PHYHIPL: variants seen among roughly 807,000 people sequenced by gnomAD.
PHYHIPL encodes the protein phytanoyl-CoA hydroxylase-interacting protein-like.
In PHYHIPL, 9 loss-of-function variants were observed where a neutral mutation model predicts 33.4. That is an observed-to-expected ratio of 0.27 (90% CI 0.16 to 0.47). The LOEUF (loss-of-function observed/expected upper bound fraction) is 0.47, where lower values mean the gene tolerates loss of function less well. Ranked by LOEUF, PHYHIPL falls within the 20% of genes least tolerant of loss-of-function variation. PHYHIPL has a pLI of 0.99. For missense variants in PHYHIPL, 365 were observed against 460.7 expected, an observed-to-expected ratio of 0.79 and a Z score of 1.90; for synonymous variants, 153 against 154.1, an observed-to-expected ratio of 0.99 and a Z score of 0.05.
chr10:59,230,212 CTTT>C (rs71006238), intron 1 of PHYHIPL, among the ~76,000 whole-genome samples: 4 of 123,368 alleles, frequency 3.2e-5, no homozygotes, highest in East Asian at 2.3e-4. Flanking sequence ...AAATTGCTTT[CTTT>C]TTTTTTTTTT....
intron 1 of PHYHIPL, among the ~76,000 whole-genome samples, chr10:59,214,223 G>C (rs1299482962): frequency 6.6e-6 from 1 of 152,002 alleles, no homozygotes; most frequent in Non-Finnish European, 1.5e-5. Flanking sequence ...TATATGCTTA[G>C]AATGCAGAAG....
At chr10:59,174,672 C>T (rs921229454), upstream of PHYHIPL, among the ~76,000 whole-genome samples, 10 of 152,226 alleles carry the variant, frequency 6.6e-5, no homozygotes, top group East Asian at 1.9e-4. Context: ...ATATTCTAGC[C>T]GACAAATCTG....
At chr10:59,208,875 GAAA>G (rs917068458) in intron 1 of PHYHIPL, among the ~76,000 whole-genome samples, 2 of 152,030 alleles carry the variant, frequency 1.3e-5, no homozygotes, top group Non-Finnish European at 2.9e-5. Flanking sequence ...CAAGATTAGA[GAAA>G]AAAGAACGAA....
chr10:59,245,023 G>A, intron 4 of PHYHIPL, 34 bp from the exon 5 acceptor site: 7 of 1,568,486 alleles, frequency 4.5e-6, no homozygotes, highest in Non-Finnish European at 6.0e-6. Flanking sequence ...TACCACTATT[G>A]TATTAAGCAG....
chr10:59,188,748 G>C (rs1838694173), intron 1 of PHYHIPL, among the ~76,000 whole-genome samples: 1 of 151,954 alleles, frequency 6.6e-6, no homozygotes, highest in African/African-American at 2.4e-5. Flanking sequence ...TTTGATCTTT[G>C]TTGGTTTAAA....
At chr10:59,203,407 C>T (rs1215068184) in intron 1 of PHYHIPL, among the ~76,000 whole-genome samples, 1 of 152,114 alleles carries the variant, frequency 6.6e-6, no homozygotes. Context: ...CCCAGCCATC[C>T]CATTACTGGG....
chr10:59,201,023 G>A (rs926941189), intron 1 of PHYHIPL, among the ~76,000 whole-genome samples: 2 of 152,046 alleles, frequency 1.3e-5, no homozygotes, highest in Non-Finnish European at 2.9e-5. Context: ...TGGATTCATT[G>A]ATATTTCGAA....
rs1840726668 is a variant in PHYHIPL at position 59,246,573 on chromosome 10, G to A, written c.*982G>A. ...TTACAAAAATGAAAATAATAAACATGTTTTCGTATAAAATAACACAAAATG... is the reference window on the plus strand; with the variant it reads ...TTACAAAAATGAAAATAATAAACATATTTTCGTATAAAATAACACAAAATG... On this transcript the variant is annotated 3_prime_UTR_variant, in exon 5 of 5. Transcript: ENST00000373880. 2.5e-6 allele frequency: 1 copy of A among 396,826 alleles called. No homozygotes were observed. Among genetic ancestry groups the A allele is most frequent in the Non-Finnish European group, 4.5e-6 (1 of 224,554 alleles). The allele number at this position is 396,826 out of a possible 1,614,324, so 24.6% of individuals were successfully genotyped here.
At chr10:59,226,229 A>C (rs1839918250) in intron 1 of PHYHIPL, among the ~76,000 whole-genome samples, 1 of 152,196 alleles carries the variant, frequency 6.6e-6, no homozygotes. Context: ...CACTGGAAGA[A>C]AATCAGAGAG....
intron 1 of PHYHIPL, among the ~76,000 whole-genome samples, chr10:59,212,523 A>G (rs946253660): frequency 6.6e-6 from 1 of 152,314 alleles, no homozygotes. Flanking sequence ...CAGCCATTCA[A>G]ACTGTGTTCA....
At chr10:59,198,682 G>A (rs932640731) in intron 1 of PHYHIPL, among the ~76,000 whole-genome samples, 4 of 152,180 alleles carry the variant, frequency 2.6e-5, no homozygotes, top group African/African-American at 4.8e-5. Flanking sequence ...CAGTGTAAAA[G>A]TGTTCCTATT....
intron 1 of PHYHIPL, among the ~76,000 whole-genome samples, chr10:59,212,322 T>A (rs1186534018): frequency 3.3e-5 from 5 of 152,216 alleles, no homozygotes; most frequent in African/African-American, 1.2e-4. Context: ...GCTTATTTAT[T>A]TTGTTTCTGT....
chr10:59,244,380 G>A (rs567561903), intron 4 of PHYHIPL, among the ~76,000 whole-genome samples: 5 of 151,656 alleles, frequency 3.3e-5, no homozygotes, highest in Admixed American at 6.6e-5. Flanking sequence ...CCTGGCCAAC[G>A]TGGTGAAACC....
intron 1 of PHYHIPL, among the ~76,000 whole-genome samples, chr10:59,203,613 T>C (rs1425733299): frequency 6.6e-6 from 1 of 152,090 alleles, no homozygotes; most frequent in African/African-American, 2.4e-5. Context: ...TCATGTCCTT[T>C]GTAGGGACAT....
At chr10:59,215,012 A>G (rs1389864053) in intron 1 of PHYHIPL, among the ~76,000 whole-genome samples, 1 of 152,034 alleles carries the variant, frequency 6.6e-6, no homozygotes, top group African/African-American at 2.4e-5. Context: ...AGTAAGTAGT[A>G]TACTTTTCAC....
chr10:59,210,926 G>A (rs1453041370), intron 1 of PHYHIPL, among the ~76,000 whole-genome samples: 1 of 152,046 alleles, frequency 6.6e-6, no homozygotes, highest in East Asian at 1.9e-4. Flanking sequence ...GCCTGTTTGG[G>A]GATGGGGGTG....
intron 1 of PHYHIPL, among the ~76,000 whole-genome samples, chr10:59,227,504 G>C (rs562537924): frequency 1.3e-5 from 2 of 152,212 alleles, no homozygotes; most frequent in African/African-American, 4.8e-5. Context: ...TGGGGACCAA[G>C]CCTCAACATG....
chr10:59,242,236 C>T (rs1456446600), intron 4 of PHYHIPL, among the ~76,000 whole-genome samples: 1 of 152,126 alleles, frequency 6.6e-6, no homozygotes, highest in South Asian at 2.1e-4. Flanking sequence ...TAATGAGACA[C>T]CCCTTCTCTC....
intron 1 of PHYHIPL, among the ~76,000 whole-genome samples, chr10:59,179,895 G>T (rs1322711248): frequency 7.3e-6 from 1 of 136,586 alleles, no homozygotes; most frequent in Non-Finnish European, 1.6e-5. Flanking sequence ...ACTACCTCAT[G>T]GATTGTCTTC....
Sources: gnomAD v4.1 joint callset for allele counts (sites outside exome capture counted in the v4.1 genomes callset) on GRCh38, gnomAD v4.1.1 for gene constraint, MANE v1.5 for transcripts, NCBI Gene and HGNC (gene_info 2026-07-23, HGNC 2026-07-21) for gene names.